The following CBLN2 variants were observed in gnomAD, a reference collection of about 807,000 sequenced individuals.
The protein encoded by CBLN2 is cerebellin 2 precursor.
In CBLN2, 7 loss-of-function variants were observed where a neutral mutation model predicts 15.0. The ratio of observed to expected loss-of-function variants is 0.47; its 90% CI spans 0.27 to 0.88. CBLN2 has a LOEUF of 0.88. Ranked by LOEUF, CBLN2 falls within the 40% of genes least tolerant of loss-of-function variation. CBLN2 has a pLI of 0.14. For synonymous variants in CBLN2, 149 were observed against 135.2 expected (o/e 1.10, Z -0.71); for missense variants, 242 against 304.5 (o/e 0.79, Z 1.53).
intron 1 of CBLN2, among the ~76,000 whole-genome samples, chr18:72,561,773 A>G (rs190440515): frequency 7.5e-4 from 114 of 152,198 alleles, no homozygotes; most frequent in African/African-American, 2.7e-3. Flanking sequence ...TTCATGCACA[A>G]TTTTCCCTCT....
At chr18:72,575,936 G>A (rs954900270) in intron 1 of CBLN2, among the ~76,000 whole-genome samples, 1 of 152,096 alleles carries the variant, frequency 6.6e-6, no homozygotes, top group African/African-American at 2.4e-5. Context: ...GGTTTTTCCT[G>A]GAGTATAGCA....
chr18:72,558,068 G>C (rs1403514203), intron 1 of CBLN2, among the ~76,000 whole-genome samples: 1 of 152,156 alleles, frequency 6.6e-6, no homozygotes, highest in Non-Finnish European at 1.5e-5. Flanking sequence ...GAGTCATACA[G>C]AGGTGAACAC....
At chr18:72,573,555 C>A (rs575870519) in intron 1 of CBLN2, among the ~76,000 whole-genome samples, 6 of 152,086 alleles carry the variant, frequency 3.9e-5, no homozygotes, top group African/African-American at 1.4e-4. Context: ...AGTATGTAAC[C>A]TTTTCAGATT....
intron 1 of CBLN2, among the ~76,000 whole-genome samples, chr18:72,589,639 T>C (rs2069466244): frequency 6.6e-6 from 1 of 152,230 alleles, no homozygotes; most frequent in African/African-American, 2.4e-5. Flanking sequence ...TGGATGACTC[T>C]ATGAGAACAA....
chr18:72,615,468 G>T (rs567566446), intron 1 of CBLN2, among the ~76,000 whole-genome samples: 1 of 151,352 alleles, frequency 6.6e-6, no homozygotes, highest in Non-Finnish European at 1.5e-5. Flanking sequence ...TAGAGAAGGG[G>T]TTTCCCCATG....
intron 3 of CBLN2, among the ~76,000 whole-genome samples, chr18:72,540,985 C>T (rs938872840): frequency 6.6e-6 from 1 of 152,150 alleles, no homozygotes; most frequent in African/African-American, 2.4e-5. Context: ...AGAAACCAGG[C>T]GAGCAGGACA....
chr18:72,628,829 G>C (rs930509781), intron 1 of CBLN2, among the ~76,000 whole-genome samples: 1 of 152,210 alleles, frequency 6.6e-6, no homozygotes, highest in Non-Finnish European at 1.5e-5. Context: ...TTTCCTAGCT[G>C]CTGGCTTATA....
In CBLN2 at chr18:72,634,123, G is replaced by A. The variant is rs576799575; in HGVS notation, c.15+4202C>T. 5.3e-5 allele frequency among the ~76,000 whole-genome samples: 8 copies of A among 151,938 alleles called. No individual in the cohort carries two copies. In the East Asian group the frequency reaches 1.4e-3, roughly 26 times the overall value. The stretch of plus-strand genomic sequence containing the variant: ...ATCTGAAAGAAGGAAATGTTTCTAT[G>A]GCATGCACAATAAAGGTTTAGACAT... On this transcript the variant is annotated intron_variant, in intron 1 of 2. Coordinates refer to the CBLN2 transcript ENST00000581073.
intron 1 of CBLN2, among the ~76,000 whole-genome samples, chr18:72,579,823 C>G (rs2144916906): frequency 6.6e-6 from 1 of 152,114 alleles, no homozygotes; most frequent in East Asian, 1.9e-4. Flanking sequence ...AAGGCCTTCC[C>G]AGAACCACTA....
chr18:72,619,989 G>T lies in CBLN2; in HGVS notation c.15+18336C>A, dbSNP rs1376987515. 3.9e-5 allele frequency among the ~76,000 whole-genome samples: 6 copies of T among 152,338 alleles called. No homozygotes were observed. The South Asian group carries it at 8.3e-4, about 21-fold the overall frequency. On this transcript the variant is annotated intron_variant, in intron 1 of 2. Coordinates refer to the CBLN2 transcript ENST00000581073. ...TCATTTACTCAGCTCACCACCCCTT[G>T]TTGGGGGAACACATGGGTGAGCAAG...
At chr18:72,583,263 A>C (rs1186031511) in intron 1 of CBLN2, among the ~76,000 whole-genome samples, 4 of 152,180 alleles carry the variant, frequency 2.6e-5, no homozygotes, top group South Asian at 2.1e-4. Context: ...AAAAGAGAGG[A>C]GGGAAGAAGC....
rs1349758232 is a variant in CBLN2 at position 72,542,126 on chromosome 18, C to A, written c.35G>T (p.Arg12Leu). The A allele has an allele frequency of 3.6e-6, 5 of 1,374,854 alleles. No individual in the cohort carries two copies. In the East Asian group the frequency reaches 1.5e-4, roughly 41 times the overall value. The allele number at this position is 1,374,854 out of a possible 1,614,324, so 85.2% of individuals were successfully genotyped here. Reference sequence around the variant, plus strand: ...CCCCCGGCGCCCGGGCATCATCAGCCGCAGCCCGAGTGGCCCCCGGCCGGG... The same window carrying A: ...CCCCCGGCGCCCGGGCATCATCAGCAGCAGCCCGAGTGGCCCCCGGCCGGG... ...QAPGRGPLGL[R>L]LMMPGRRGAL... Residue 12 changes from arginine (R) to leucine (L), a missense_variant, in exon 3 of 5, where the codon CGG (arginine) becomes CTG (leucine). By Grantham distance (102) the Arg-to-Leu change is moderately radical (BLOSUM62 -2). Transcript: ENST00000269503.
In CBLN2 at chr18:72,537,115, C is replaced by G. The variant is rs1033875039; in HGVS notation, c.*1061G>C. ...GGATCCAAATAAATTAAATCACCCA[C>G]AGAGAAGTCACAGCACACGTGGCAA... is the stretch of plus-strand genomic sequence containing the variant. On this transcript the variant is annotated 3_prime_UTR_variant, in exon 5 of 5. Transcript: ENST00000269503. 6.6e-6 allele frequency: 1 copy of G among 152,144 alleles called. No individual in the cohort carries two copies. The highest frequency in any genetic ancestry group is 1.5e-5 in the Non-Finnish European group (1 of 68,050). 9.4% of individuals were successfully genotyped at this position (152,144 alleles called of 1,614,324 possible).
chr18:72,592,249 C>T (rs1198023309), intron 1 of CBLN2, among the ~76,000 whole-genome samples: 1 of 151,854 alleles, frequency 6.6e-6, no homozygotes, highest in Non-Finnish European at 1.5e-5. Flanking sequence ...CTCTGATGAT[C>T]AGTGATGTTG....
intron 1 of CBLN2, among the ~76,000 whole-genome samples, chr18:72,592,094 T>A (rs975568160): frequency 2.0e-5 from 3 of 152,146 alleles, no homozygotes; most frequent in African/African-American, 4.8e-5. Context: ...CCCACCAACA[T>A]GTACTAATTT....
chr18:72,598,877 C>G (rs992653822), intron 1 of CBLN2, among the ~76,000 whole-genome samples: 1 of 152,216 alleles, frequency 6.6e-6, no homozygotes, highest in African/African-American at 2.4e-5. Context: ...TGCACTCTCT[C>G]TCCTCTAAGT....
intron 1 of CBLN2, among the ~76,000 whole-genome samples, chr18:72,580,073 T>C (rs2069393065): frequency 6.7e-6 from 1 of 149,666 alleles, no homozygotes; most frequent in Non-Finnish European, 1.5e-5. Flanking sequence ...GCAGTGCAAC[T>C]ACTTTTTTCC....
chr18:72,579,318 T>C (rs1038945966), intron 1 of CBLN2, among the ~76,000 whole-genome samples: 9 of 152,218 alleles, frequency 5.9e-5, no homozygotes, highest in African/African-American at 1.9e-4. Context: ...CTCGCCATAA[T>C]TAAAATGATT....
intron 1 of CBLN2, among the ~76,000 whole-genome samples, chr18:72,620,053 A>G (rs887304863): frequency 1.1e-4 from 17 of 152,250 alleles, no homozygotes; most frequent in African/African-American, 3.9e-4. Flanking sequence ...ACCAGCAGGA[A>G]CAAACTCCAT....
Sources: allele counts gnomAD v4.1 joint callset (sites outside exome capture counted in the v4.1 genomes callset), GRCh38; gene constraint gnomAD v4.1.1; transcripts MANE v1.5; gene names NCBI Gene and HGNC (gene_info 2026-07-23, HGNC 2026-07-21).